Variants in FBXO8 observed in about 807,000 individuals in gnomAD.
The protein encoded by FBXO8 is F-box protein 8.
FBXO8 carries 15 observed loss-of-function variants against 33.4 expected under a neutral mutation model. The observed-to-expected ratio is 0.45, with a 90% CI of 0.30 to 0.69. The LOEUF is 0.69. FBXO8 is among the 30% of genes least tolerant of loss of function. The pLI, the probability that FBXO8 is intolerant of heterozygous loss-of-function variation, is 0.08. For missense variants in FBXO8, 274 were observed against 380.3 expected, an observed-to-expected ratio of 0.72 and a Z score of 2.32; for synonymous variants, 132 against 131.5, an observed-to-expected ratio of 1.00 and a Z score of -0.02.
chr4:174,246,034 A>T (rs1736150464), intron 3 of FBXO8, among the ~76,000 whole-genome samples: 1 of 151,972 alleles, frequency 6.6e-6, no homozygotes, highest in African/African-American at 2.4e-5. Flanking sequence ...GTAATGTAAT[A>T]GGATATATTT....
In FBXO8 at chr4:174,259,894, T is replaced by C. The variant is rs1736510130; in HGVS notation, c.330-69A>G. 6 of 1,383,786 alleles carry C rather than the reference T, an allele frequency of 4.3e-6. No individual in the cohort carries two copies. Among genetic ancestry groups the C allele is most frequent in the African/African-American group, 1.5e-5 (1 of 67,466 alleles). The allele number at this position is 1,383,786 out of a possible 1,614,324, so 85.7% of individuals were successfully genotyped here. ...TAATTTCCTAAGTTAAATATGCATATACATGCAAAAATAGTAACATGAAAT... is the reference window on the plus strand; with the variant it reads ...TAATTTCCTAAGTTAAATATGCATACACATGCAAAAATAGTAACATGAAAT... On this transcript the variant is annotated intron_variant, in intron 2 of 5. Coordinates refer to ENST00000393674, the MANE Select transcript of FBXO8 (RefSeq NM_012180.3). This position sits in a 1 kb window ranked among gnomAD's most constrained non-coding sequence, Gnocchi z 4.3.
At chr4:174,242,386 ACGAGG>A (rs1413491509) in intron 3 of FBXO8, among the ~76,000 whole-genome samples, 1 of 151,544 alleles carries the variant, frequency 6.6e-6, no homozygotes, top group Non-Finnish European at 1.5e-5. Context: ...ATTAGGTACC[ACGAGG>A]TAATGCTTTT....
rs1044705190 is a variant in FBXO8, at chr4:174,259,282, A to G, written c.456+417T>C. ...AACGTTTTGATTTGTCAGAAAATAG[A>G]ACAATGTCCTCAATGATTATCTTTG... On this transcript the variant is annotated intron_variant, in intron 3 of 5. Coordinates refer to ENST00000393674, the MANE Select transcript of FBXO8 (RefSeq NM_012180.3). This position sits in a 1 kb window ranked among gnomAD's most constrained non-coding sequence, Gnocchi z 4.3. 3.3e-5 allele frequency among the ~76,000 whole-genome samples: 5 copies of G among 152,108 alleles called. No homozygotes were observed. Among genetic ancestry groups the G allele is most frequent in the African/African-American group, 1.2e-4 (5 of 41,444 alleles).
rs1736427380 is a variant in FBXO8 at position 174,256,825 on chromosome 4, T to C, written c.456+2874A>G. Among the ~76,000 whole-genome samples the C allele has an allele frequency of 6.6e-6, 1 of 152,058 alleles. No individual in the cohort carries two copies. The highest frequency in any genetic ancestry group is 1.5e-5 in the Non-Finnish European group (1 of 68,020). On this transcript the variant is annotated intron_variant, in intron 3 of 5. Coordinates refer to ENST00000393674, the MANE Select transcript of FBXO8 (RefSeq NM_012180.3). This position sits in a 1 kb window ranked among gnomAD's most constrained non-coding sequence, Gnocchi z 4.6. ...AGACACATTGAGTGGCTCAGCTCTA[T>C]GCCTCCTGGGAGTACTACATGGCCC...
Position 174,256,243 on chromosome 4 carries a change from A to T in FBXO8, c.456+3456T>A. 2.3e-6 allele frequency: 1 copy of T among 432,684 alleles called. No homozygotes were observed. The highest frequency in any genetic ancestry group is 4.6e-6 in the Non-Finnish European group (1 of 218,674). The allele number at this position is 432,684 out of a possible 1,614,324, so 26.8% of individuals were successfully genotyped here. A position where few individuals can be genotyped will look rare whatever the true frequency, so the allele number is the denominator to read the frequency against. On this transcript the variant is annotated intron_variant, in intron 3 of 5. Coordinates refer to ENST00000393674, the MANE Select transcript of FBXO8 (RefSeq NM_012180.3). This position sits in a 1 kb window ranked among gnomAD's most constrained non-coding sequence, Gnocchi z 4.6. The stretch of plus-strand genomic sequence containing the variant: ...TATGAAAAAGTAGACTTTTTACAAT[A>T]CTAAGCAATTATATACATCTTATCT...
Position 174,237,177 on chromosome 4 carries a change from T to C in FBXO8, c.*235A>G. ...ATTCGTTAACAGCTGTGTTAGACAG[T>C]GGCTCTGCTTTGTGCAAAACGTGAT... On this transcript the variant is annotated 3_prime_UTR_variant, in exon 6 of 6. Transcript: ENST00000393674. The surrounding 1 kb of genome is among the most constrained non-coding windows in gnomAD (Gnocchi z 4.4). The C allele has an allele frequency of 2.3e-6, 1 of 428,904 alleles. No individual in the cohort carries two copies. Among genetic ancestry groups the C allele is most frequent in the Non-Finnish European group, 4.2e-6 (1 of 237,826 alleles). The allele number at this position is 428,904 out of a possible 1,614,324, so 26.6% of individuals were successfully genotyped here.
intron 3 of FBXO8, among the ~76,000 whole-genome samples, chr4:174,258,538 G>C: frequency 6.6e-6 from 1 of 152,002 alleles, no homozygotes; most frequent in East Asian, 1.9e-4. Flanking sequence ...AGAAATATCT[G>C]AATTTAAATA....
At position 174,255,863 on chromosome 4, in the gene FBXO8, G is replaced by C. The variant is rs556020221; in HGVS notation, c.456+3836C>G. On this transcript the variant is annotated intron_variant, in intron 3 of 5. Transcript: ENST00000393674. This position sits in a 1 kb window ranked among gnomAD's most constrained non-coding sequence, Gnocchi z 4.3. Reference sequence around the variant, plus strand: ...TTGACACACACAACTTGTACATGCAGGGAAAATACAACTTAATGTAAACAG... The same window carrying C: ...TTGACACACACAACTTGTACATGCACGGAAAATACAACTTAATGTAAACAG... Among the ~76,000 whole-genome samples, 13 of 152,168 alleles carry C rather than the reference G, an allele frequency of 8.5e-5. No homozygotes were observed. Among genetic ancestry groups the C allele is most frequent in the Non-Finnish European group, 1.6e-4 (11 of 68,026 alleles).
At position 174,259,897 on chromosome 4, in the gene FBXO8, A is replaced by T. The variant is rs927484700; in HGVS notation, c.330-72T>A. The T allele has an allele frequency of 1.5e-6, 2 of 1,357,094 alleles. No individual in the cohort carries two copies. The highest frequency in any genetic ancestry group is 3.0e-5 in the African/African-American group (2 of 66,814). The allele number at this position is 1,357,094 out of a possible 1,614,324, so 84.1% of individuals were successfully genotyped here. ...TTTCCTAAGTTAAATATGCATATAC[A>T]TGCAAAAATAGTAACATGAAATAAG... On this transcript the variant is annotated intron_variant, in intron 2 of 5. Coordinates refer to ENST00000393674, the MANE Select transcript of FBXO8 (RefSeq NM_012180.3). The surrounding 1 kb of genome is among the most constrained non-coding windows in gnomAD (Gnocchi z 4.3).
At chr4:174,266,126 A>G (rs1028351668) in intron 1 of FBXO8, among the ~76,000 whole-genome samples, 46 of 152,286 alleles carry the variant, frequency 3.0e-4, no homozygotes, top group African/African-American at 1.1e-3. Flanking sequence ...ACAAAGAATC[A>G]GGGTGATTTC....
chr4:174,243,513 G>A (rs758095321), intron 3 of FBXO8, among the ~76,000 whole-genome samples: 32 of 148,354 alleles, frequency 2.2e-4, no homozygotes, highest in Admixed American at 5.4e-4. Flanking sequence ...TTAGGTTGGT[G>A]CGAAAGTGAT....
At chr4:174,244,734 C>A (rs1328702944) in intron 3 of FBXO8, among the ~76,000 whole-genome samples, 3 of 151,350 alleles carry the variant, frequency 2.0e-5, no homozygotes, top group African/African-American at 7.3e-5. Flanking sequence ...AAACTACTGG[C>A]CAAAATATAT....
In FBXO8 at chr4:174,236,673, A is replaced by G. The variant is rs1735893252; in HGVS notation, c.*739T>C. ...CAAGCAAACATTTACCAGAGTTCTA[A>G]TAATATTTTATTTTATTCCTATGAA... is the stretch of plus-strand genomic sequence containing the variant. On this transcript the variant is annotated 3_prime_UTR_variant, in exon 6 of 6. Coordinates refer to ENST00000393674, the MANE Select transcript of FBXO8 (RefSeq NM_012180.3). 6.6e-6 allele frequency: 1 copy of G among 152,196 alleles called. No individual in the cohort carries two copies. The highest frequency in any genetic ancestry group is 1.5e-5 in the Non-Finnish European group (1 of 68,018). 9.4% of individuals were successfully genotyped at this position (152,196 alleles called of 1,614,324 possible). A position where few individuals can be genotyped will look rare whatever the true frequency, so the allele number is the denominator to read the frequency against.
chr4:174,278,272 T>A lies in FBXO8; in HGVS notation c.-9+5138A>T, dbSNP rs972430391. Among the ~76,000 whole-genome samples, 2 of 151,984 alleles carry A rather than the reference T, an allele frequency of 1.3e-5. No individual in the cohort carries two copies. Among genetic ancestry groups the A allele is most frequent in the Non-Finnish European group, 2.9e-5 (2 of 67,924 alleles). ...AGCCCCTACTCATTAAATTTAAAGA[T>A]CTGGTCCTGCAAGAGCAGTTTTTGT... On this transcript the variant is annotated intron_variant, in intron 1 of 5. Coordinates refer to ENST00000393674, the MANE Select transcript of FBXO8 (RefSeq NM_012180.3). This position sits in a 1 kb window ranked among gnomAD's most constrained non-coding sequence, Gnocchi z 4.1.
intron 1 of FBXO8, among the ~76,000 whole-genome samples, chr4:174,276,201 A>G (rs1056062520): frequency 6.6e-6 from 1 of 152,160 alleles, no homozygotes; most frequent in African/African-American, 2.4e-5. Flanking sequence ...TAACAGTAAT[A>G]CTTTTATTAC....
chr4:174,264,223 T>A (rs1026665968), intron 1 of FBXO8, among the ~76,000 whole-genome samples: 3 of 152,084 alleles, frequency 2.0e-5, no homozygotes, highest in African/African-American at 4.8e-5. Context: ...CTGTTTACAA[T>A]AAGTACTAAC....
chr4:174,242,872 G>T (rs981947508), intron 3 of FBXO8, among the ~76,000 whole-genome samples: 1 of 151,380 alleles, frequency 6.6e-6, no homozygotes, highest in Non-Finnish European at 1.5e-5. Flanking sequence ...CAATATTTTA[G>T]AATTATTTCC....
chr4:174,269,316 AAAAAC>A (rs1182011768), intron 1 of FBXO8: 1 of 143,924 alleles, frequency 6.9e-6, no homozygotes, highest in Non-Finnish European at 1.5e-5. Flanking sequence ...CCAAGGAAAT[AAAAAC>A]AAAAAAAAAA....
intron 3 of FBXO8, among the ~76,000 whole-genome samples, chr4:174,249,974 A>G (rs1736250151): frequency 6.6e-6 from 1 of 152,038 alleles, no homozygotes; most frequent in South Asian, 2.1e-4. Flanking sequence ...CAAAAGTTCA[A>G]GAAGAGGAAG....
Sources: allele counts gnomAD v4.1 joint callset (sites outside exome capture counted in the v4.1 genomes callset), GRCh38; gene constraint gnomAD v4.1.1; non-coding constraint Gnocchi (gnomAD v3.1); transcripts MANE v1.5; gene names NCBI Gene and HGNC (gene_info 2026-07-23, HGNC 2026-07-21).